MOCOS: variants seen among roughly 807,000 people sequenced by gnomAD.
The protein encoded by MOCOS is molybdenum cofactor sulfurase, also known as human molybdenum cofactor sulfurase.
In MOCOS, 86 loss-of-function variants were observed where a neutral mutation model predicts 83.6. The observed-to-expected ratio is 1.03, with a 90% CI of 0.86 to 1.23. The LOEUF is 1.23. MOCOS is among the 50% of genes most tolerant of loss of function. The pLI is 0.00. For missense variants in MOCOS, 1,120 were observed against 1,126.9 expected, an observed-to-expected ratio of 0.99 and a Z score of 0.09; for synonymous variants, 445 against 434.7, an observed-to-expected ratio of 1.02 and a Z score of -0.29.
chr18:36,220,620 G>A (rs2091492693), intron 9 of MOCOS, among the ~76,000 whole-genome samples: 1 of 152,136 alleles, frequency 6.6e-6, no homozygotes, highest in Non-Finnish European at 1.5e-5. Context: ...AGAAAGATCT[G>A]ACAGTTCAAT....
At chr18:36,206,200 G>C (rs1233554527) in intron 6 of MOCOS, among the ~76,000 whole-genome samples, 1 of 151,840 alleles carries the variant, frequency 6.6e-6, no homozygotes, top group African/African-American at 2.4e-5. Context: ...GAGAGGGTGA[G>C]GGAGGTACCT....
At chr18:36,239,361 C>G (rs1418150129) in intron 9 of MOCOS, among the ~76,000 whole-genome samples, 1 of 148,388 alleles carries the variant, frequency 6.7e-6, no homozygotes, top group Non-Finnish European at 1.5e-5. Flanking sequence ...ATTTGCTTGT[C>G]TGTAAAGTAT....
rs571958066 is a variant in MOCOS, at chr18:36,248,117, A to AT, written c.1961-799dup. ...CTCTGCATCCTCACCAGCATTTGTT[A>AT]TTTTTTGTCATTCTGGTAATAGCCA... On this transcript the variant is annotated intron_variant, in intron 9 of 14. Transcript: ENST00000261326. 1.8e-4 allele frequency among the ~76,000 whole-genome samples: 27 copies of AT among 151,956 alleles called. No homozygotes were observed. The East Asian group carries it at 4.5e-3, about 25-fold the overall frequency.
In MOCOS at chr18:36,211,452, A is replaced by C. The variant is rs192544165; in HGVS notation, c.1219-1914A>C. On this transcript the variant is annotated intron_variant, in intron 6 of 14. Coordinates refer to ENST00000261326, the MANE Select transcript of MOCOS (RefSeq NM_017947.4). ...TGATTATAGTGTTGATATGAGGATT[A>C]AATGAGACACAATATATACATCCCT... Among the ~76,000 whole-genome samples, 3 of 152,214 alleles carry C rather than the reference A, an allele frequency of 2.0e-5. No homozygotes were observed. The East Asian group carries it at 5.8e-4, about 29-fold the overall frequency.
chr18:36,221,643 TGTTCTGTTCCC>T (rs1157342174), intron 9 of MOCOS, among the ~76,000 whole-genome samples: 6 of 121,484 alleles, frequency 4.9e-5, no homozygotes, highest in Admixed American at 9.0e-5. Context: ...TGTTCTGTTC[TGTTCTGTTCCC>T]GTGGTTTATT....
intron 1 of MOCOS, among the ~76,000 whole-genome samples, chr18:36,191,081 C>T (rs531038632): frequency 2.0e-4 from 30 of 150,946 alleles, no homozygotes; most frequent in Non-Finnish European, 4.0e-4. Context: ...AGCACCTTCT[C>T]TCTCTCTGTC....
intron 8 of MOCOS, among the ~76,000 whole-genome samples, chr18:36,217,802 T>C (rs1381909705): frequency 6.6e-6 from 1 of 152,198 alleles, no homozygotes; most frequent in Non-Finnish European, 1.5e-5. Flanking sequence ...GTATGAAACT[T>C]ACAGAATGTA....
At chr18:36,221,220 T>C (rs1209685923) in intron 9 of MOCOS, among the ~76,000 whole-genome samples, 1 of 152,220 alleles carries the variant, frequency 6.6e-6, no homozygotes, top group Non-Finnish European at 1.5e-5. Flanking sequence ...TAGAACTGAA[T>C]TTTAAATTTT....
At chr18:36,206,826 G>A (rs2091436614) in intron 6 of MOCOS, among the ~76,000 whole-genome samples, 1 of 152,062 alleles carries the variant, frequency 6.6e-6, no homozygotes, top group South Asian at 2.1e-4. Context: ...TCATTTTTTT[G>A]TGGCTGTGTA....
chr18:36,248,407 T>C lies in MOCOS; in HGVS notation c.1961-515T>C, dbSNP rs139925130. 5.6e-3 allele frequency among the ~76,000 whole-genome samples: 860 copies of C among 152,342 alleles called. 6 individuals are homozygous for C. Among genetic ancestry groups the C allele is most frequent in the African/African-American group, 0.019 (793 of 41,572 alleles). ...CATTCTGTTGGTTGTCTCTTCATTC[T>C]GTTGTTTCCCTTGTTGTGCAGAAGC... is the stretch of plus-strand genomic sequence containing the variant. On this transcript the variant is annotated intron_variant, in intron 9 of 14. Coordinates refer to ENST00000261326, the MANE Select transcript of MOCOS (RefSeq NM_017947.4).
At chr18:36,238,570 G>T (rs2091568616) in intron 9 of MOCOS, among the ~76,000 whole-genome samples, 1 of 146,946 alleles carries the variant, frequency 6.8e-6, no homozygotes, top group African/African-American at 2.5e-5. Context: ...GGTCAATTTT[G>T]GAATAGGTGT....
chr18:36,216,703 A>C (rs375056916), intron 8 of MOCOS, among the ~76,000 whole-genome samples: 1 of 152,266 alleles, frequency 6.6e-6, no homozygotes. Context: ...TGAAAATTTG[A>C]TAAGTAACAG....
At chr18:36,227,812 G>C (rs967033618) in intron 9 of MOCOS, among the ~76,000 whole-genome samples, 6 of 152,256 alleles carry the variant, frequency 3.9e-5, no homozygotes, top group African/African-American at 1.4e-4. Flanking sequence ...AAAAGCAATT[G>C]CAACAAAAGC....
At position 36,260,087 on chromosome 18, in the gene MOCOS, G is replaced by A. The variant is rs767918050; in HGVS notation, c.2321G>A (p.Arg774His). 16 of 1,614,130 alleles carry A rather than the reference G, an allele frequency of 9.9e-6. No homozygotes were observed. Among genetic ancestry groups the A allele is most frequent in the East Asian group, 6.7e-5 (3 of 44,872 alleles). Residue 774 changes from arginine (R) to histidine (H), a missense_variant, in exon 13 of 15, where the codon CGT (arginine) becomes CAT (histidine). Arg to His is a conservative substitution (Grantham distance 29). Transcript: ENST00000261326. ...TTCTCACTGAAGGATCTCAGCTTGCGTTTTCGTGCCAATATTATTATCAAT... is the reference window on the plus strand; with the variant it reads ...TTCTCACTGAAGGATCTCAGCTTGCATTTTCGTGCCAATATTATTATCAAT... Reference protein sequence around the residue: ...ELFSLKDLSLRFRANIIINGK... With the variant: ...ELFSLKDLSLHFRANIIINGK...
intron 9 of MOCOS, among the ~76,000 whole-genome samples, chr18:36,236,938 G>T (rs1326834149): frequency 1.3e-5 from 2 of 152,102 alleles, no homozygotes; most frequent in Non-Finnish European, 2.9e-5. Flanking sequence ...CTGTTTTTCT[G>T]TTGTTGGTGT....
At chr18:36,246,835 A>G (rs1023590652) in intron 9 of MOCOS, among the ~76,000 whole-genome samples, 4 of 152,238 alleles carry the variant, frequency 2.6e-5, no homozygotes, top group Non-Finnish European at 5.9e-5. Context: ...CAGCTGCAGC[A>G]GTAGAAGGGG....
At chr18:36,241,557 G>A (rs935520390) in intron 9 of MOCOS, among the ~76,000 whole-genome samples, 2 of 152,158 alleles carry the variant, frequency 1.3e-5, no homozygotes, top group Non-Finnish European at 2.9e-5. Context: ...GTAAGCTGTT[G>A]GTGGATCTAT....
intron 11 of MOCOS, 86 bp from the exon 12 acceptor site, chr18:36,256,882 T>A (rs977198662): frequency 8.3e-7 from 1 of 1,211,580 alleles, no homozygotes; most frequent in African/African-American, 1.5e-5. Flanking sequence ...AGTCTCTACC[T>A]TTTAAAAAAA....
chr18:36,256,858 T>G (rs1265924399), intron 11 of MOCOS, 110 bp from the exon 12 acceptor site: 1 of 962,722 alleles, frequency 1.0e-6, no homozygotes, highest in Non-Finnish European at 1.7e-6. Context: ...TCACTTTTTT[T>G]CCCTTGTAGA....
Sources: allele counts gnomAD v4.1 joint callset (sites outside exome capture counted in the v4.1 genomes callset), GRCh38; gene constraint gnomAD v4.1.1; transcripts MANE v1.5; gene names NCBI Gene and HGNC (gene_info 2026-07-23, HGNC 2026-07-21).